Variants in MIA3 observed in about 807,000 individuals in gnomAD.
MIA3 encodes transport and Golgi organization protein 1 homolog.
MIA3 carries 90 observed loss-of-function variants against 192.4 expected under a neutral mutation model. The ratio of observed to expected loss-of-function variants is 0.47; its 90% CI spans 0.39 to 0.56. The LOEUF (loss-of-function observed/expected upper bound fraction) is 0.56, where lower values mean the gene tolerates loss of function less well. Among genes scored for constraint, MIA3 ranks in the 20% least tolerant of loss-of-function variants. The pLI is 0.00. For synonymous variants in MIA3, 740 were observed against 792.8 expected (o/e 0.93, Z 1.12); for missense variants, 2,123 against 2,269.4 (o/e 0.94, Z 1.31).
At chr1:222,636,982 T>A (rs1662654319) in intron 6 of MIA3, among the ~76,000 whole-genome samples, 1 of 152,210 alleles carries the variant, frequency 6.6e-6, no homozygotes, top group South Asian at 2.1e-4. Flanking sequence ...GTTGTAGAGC[T>A]CACCTATTTG....
chr1:222,621,225 A>G lies in MIA3; in HGVS notation c.200A>G (p.Lys67Arg), dbSNP rs1325499031. The G allele has an allele frequency of 6.2e-7, 1 of 1,614,064 alleles. No individual in the cohort carries two copies. Among genetic ancestry groups the G allele is most frequent in the Admixed American group, 1.7e-5 (1 of 60,010 alleles). ...CCGGATTGTCGTTTTGTGAATTTTA[A>G]AAAAGGTGATCCTGTATATGTTTAC... The part of the protein sequence containing the change: ...TGPDCRFVNF[K>R]KGDPVYVYYK... The change falls in exon 2 of 28, where the codon AAA becomes AGA. Residue 67 changes from lysine (K) to arginine (R), a missense_variant. Physicochemically the swap from Lys to Arg is conservative, Grantham distance 26. This residue lies in a region of MIA3 where 1,357 missense variants were observed against 1,396.1 expected (regional missense o/e 0.97). Coordinates refer to ENST00000344922, the MANE Select transcript of MIA3 (RefSeq NM_198551.4).
At position 222,630,261 on chromosome 1, in the gene MIA3, A is replaced by C; in HGVS notation, c.3041A>C (p.Glu1014Ala). Residue 1014 changes from glutamate to alanine, a missense_variant, in exon 4 of 28, where the codon GAG (glutamate) becomes GCG (alanine). Physicochemically the swap from Glu to Ala is moderately radical, Grantham distance 107. Transcript: ENST00000344922. ...LGMNENNIFEEAAVLDDIQDL... is the reference protein window; with the variant it reads ...LGMNENNIFEAAAVLDDIQDL... ...ATGAACGAAAATAACATATTTGAAGAGGCTGCAGTGCTTGATGACATTCAA... is the reference window on the plus strand; with the variant it reads ...ATGAACGAAAATAACATATTTGAAGCGGCTGCAGTGCTTGATGACATTCAA... 6.2e-7 allele frequency: 1 copy of C among 1,614,272 alleles called. No homozygotes were observed. The highest frequency in any genetic ancestry group is 8.5e-7 in the Non-Finnish European group (1 of 1,180,052).
chr1:222,632,382 A>G (rs1662439416), intron 5 of MIA3, 56 bp downstream of exon 5: 3 of 1,460,288 alleles, frequency 2.1e-6, no homozygotes, highest in Admixed American at 4.0e-5. Flanking sequence ...AAGGCCTTCT[A>G]GGAGATTCAT....
At chr1:222,648,994 G>C (rs1318421750) in intron 8 of MIA3, 144 bp downstream of exon 8, 5 of 565,654 alleles carry the variant, frequency 8.8e-6, no homozygotes, top group Non-Finnish European at 1.6e-5. Flanking sequence ...TAGGTTGCCA[G>C]GTTGTATGAT....
chr1:222,652,899 T>C, intron 13 of MIA3, 109 bp from the exon 14 acceptor site: 1 of 1,273,432 alleles, frequency 7.9e-7, no homozygotes, highest in Non-Finnish European at 1.1e-6. Context: ...CCCATAGTGA[T>C]AGGCCAAGGA....
At position 222,654,491 on chromosome 1, in the gene MIA3, C is replaced by T; in HGVS notation, c.4468+12C>T. ...ATGTAACCTGGAAGGTAGGTTGCTT[C>T]TTGAGAAGAAATTGCTATATATTGG... On this transcript the variant is annotated intron_variant, in intron 17 of 27. Coordinates refer to ENST00000344922, the MANE Select transcript of MIA3 (RefSeq NM_198551.4). The T allele has an allele frequency of 6.2e-7, 1 of 1,604,738 alleles. No homozygotes were observed. Among genetic ancestry groups the T allele is most frequent in the Non-Finnish European group, 8.5e-7 (1 of 1,172,778 alleles).
intron 18 of MIA3, among the ~76,000 whole-genome samples, 193 bp downstream of exon 18, chr1:222,654,986 A>G (rs1405080223): frequency 6.6e-6 from 1 of 152,148 alleles, no homozygotes; most frequent in Non-Finnish European, 1.5e-5. Context: ...GTAGTCAAAA[A>G]CTGTTGCCTG....
intron 24 of MIA3, among the ~76,000 whole-genome samples, chr1:222,661,738 TACTC>T (rs1331509732): frequency 2.4e-4 from 37 of 152,318 alleles, no homozygotes; most frequent in African/African-American, 8.7e-4. Context: ...ATGTCTATAA[TACTC>T]AGTAAGATAC....
At chr1:222,663,904 C>A in intron 26 of MIA3, 94 bp from the exon 27 acceptor site, 1 of 1,182,700 alleles carries the variant, frequency 8.5e-7, no homozygotes, top group Non-Finnish European at 1.2e-6. Context: ...AAGTGCCTGA[C>A]ATCTGCTTCA....
At position 222,628,598 on chromosome 1, in the gene MIA3, G is replaced by A. The variant is rs758015715; in HGVS notation, c.1378G>A (p.Ala460Thr). 3.2e-5 allele frequency: 51 copies of A among 1,613,874 alleles called. No homozygotes were observed. In the East Asian group the frequency reaches 6.7e-4, roughly 21 times the overall value. ...AACAAATAATGACAAAGAAGTAAAC[G>A]CAGAACATCACATTAAAGGAAAAGG... is the stretch of plus-strand genomic sequence containing the variant. ...PKTNNDKEVN[A>T]EHHIKGKGRG... Residue 460 changes from alanine to threonine, a missense_variant, in exon 4 of 28, where the codon GCA becomes ACA. By Grantham distance (58) the Ala-to-Thr change is moderately conservative. Coordinates refer to ENST00000344922, the MANE Select transcript of MIA3 (RefSeq NM_198551.4).
chr1:222,621,406 C>G, intron 2 of MIA3, 114 bp downstream of exon 2: 3 of 1,043,414 alleles, frequency 2.9e-6, no homozygotes, highest in Non-Finnish European at 4.2e-6. Flanking sequence ...CTTGTCCTCT[C>G]TGCCTGACTG....
intron 9 of MIA3, 110 bp from the exon 10 acceptor site, chr1:222,650,524 T>C: frequency 1.1e-6 from 1 of 881,604 alleles, no homozygotes; most frequent in Non-Finnish European, 1.8e-6. Flanking sequence ...TCTTAAGCAG[T>C]CATATGTGTA....
chr1:222,629,458 C>T lies in MIA3; in HGVS notation c.2238C>T (p.Asn746=). 6.2e-7 allele frequency: 1 copy of T among 1,614,082 alleles called. No homozygotes were observed. The highest frequency in any genetic ancestry group is 8.5e-7 in the Non-Finnish European group (1 of 1,180,002). ...AINAKRSKEK[N]PGNQGRQFDV... is the part of the protein sequence containing the mutation. ...ATGCAAAACGGTCTAAAGAAAAAAA[C>T]CCTGGGAATCAGGGCAGGCAGTTTG... The change falls in exon 4 of 28, where the codon AAC becomes AAT. Residue 746 remains asparagine, a synonymous_variant. Transcript: ENST00000344922.
chr1:222,654,538 A>G, intron 17 of MIA3, 59 bp downstream of exon 17: 1 of 1,558,292 alleles, frequency 6.4e-7, no homozygotes, highest in East Asian at 2.2e-5. Flanking sequence ...ATTGCATTAG[A>G]AAGATAAAGA....
At chr1:222,620,223 C>T (rs1240619707) in intron 1 of MIA3, among the ~76,000 whole-genome samples, 1 of 152,058 alleles carries the variant, frequency 6.6e-6, no homozygotes, top group Non-Finnish European at 1.5e-5. Context: ...TATTTCTATT[C>T]GTCCTTCTTT....
intron 7 of MIA3, among the ~76,000 whole-genome samples, chr1:222,647,563 C>G (rs1367195310): frequency 6.6e-6 from 1 of 152,106 alleles, no homozygotes; most frequent in East Asian, 1.9e-4. Flanking sequence ...TGCTTTTCTT[C>G]AGATAAAAAG....
chr1:222,635,091 T>G (rs1373899184), intron 6 of MIA3, among the ~76,000 whole-genome samples: 1 of 152,196 alleles, frequency 6.6e-6, no homozygotes, highest in African/African-American at 2.4e-5. Context: ...GGAAAACAAG[T>G]AGGAAAACCA....
At position 222,665,497 on chromosome 1, in the gene MIA3, C is replaced by G. The variant is rs747790762; in HGVS notation, c.5602C>G (p.Gln1868Glu). ...ATTACCACCCCCAACCCATGGTCCC[C>G]AGGAATACCCACCACCACCTGCTGT... ...TRLPPPTHGP[Q>E]EYPPPPAVRD... is the part of the protein sequence containing the mutation. Residue 1868 changes from glutamine (Q) to glutamate (E), a missense_variant, in exon 28 of 28, where the codon CAG (glutamine) becomes GAG (glutamate). Coordinates refer to ENST00000344922, the MANE Select transcript of MIA3 (RefSeq NM_198551.4). 4.3e-6 allele frequency: 7 copies of G among 1,614,042 alleles called. No homozygotes were observed. In the South Asian group the frequency reaches 7.7e-5, roughly 18 times the overall value.
intron 3 of MIA3, among the ~76,000 whole-genome samples, chr1:222,625,610 G>A (rs1229435850): frequency 1.3e-5 from 2 of 152,252 alleles, no homozygotes; most frequent in Admixed American, 6.5e-5. Context: ...AAGGGAACCA[G>A]AGAGTTTCAG....
Sources: allele counts gnomAD v4.1 joint callset (sites outside exome capture counted in the v4.1 genomes callset), GRCh38; gene constraint gnomAD v4.1.1; regional missense constraint gnomAD v4.1.1; transcripts MANE v1.5; gene names NCBI Gene and HGNC (gene_info 2026-07-23, HGNC 2026-07-21).